Variants in SYT17 observed in about 807,000 individuals in gnomAD.
SYT17 encodes synaptotagmin-17.
SYT17 carries 22 observed loss-of-function variants against 46.7 expected under a neutral mutation model. The ratio of observed to expected loss-of-function variants is 0.47; its 90% CI spans 0.34 to 0.67. SYT17 has a LOEUF of 0.67. Among genes scored for constraint, SYT17 ranks in the 30% least tolerant of loss-of-function variants. The pLI, the probability that SYT17 is intolerant of heterozygous loss-of-function variation, is 0.01. For missense variants in SYT17, 519 were observed against 612.8 expected, an observed-to-expected ratio of 0.85 and a Z score of 1.62; for synonymous variants, 251 against 248.4, an observed-to-expected ratio of 1.01 and a Z score of -0.10.
At chr16:19,246,976 G>A (rs1316034771) in intron 7 of SYT17, among the ~76,000 whole-genome samples, 1 of 152,206 alleles carries the variant, frequency 6.6e-6, no homozygotes, top group African/African-American at 2.4e-5. Context: ...GAGAAAGGGG[G>A]TCGTGATGCA....
chr16:19,185,161 C>A (rs1964733878), intron 5 of SYT17, among the ~76,000 whole-genome samples: 2 of 150,246 alleles, frequency 1.3e-5, no homozygotes, highest in Non-Finnish European at 2.9e-5. Flanking sequence ...TCCCTCCTTC[C>A]CCTCCTTCCT....
intron 7 of SYT17, among the ~76,000 whole-genome samples, chr16:19,239,561 A>G (rs1001299418): frequency 6.6e-6 from 1 of 152,172 alleles, no homozygotes; most frequent in Admixed American, 6.5e-5. Context: ...GCAGTATTTG[A>G]CGGTAATAAC....
chr16:19,237,114 A>T (rs373007111), intron 7 of SYT17, among the ~76,000 whole-genome samples: 1 of 152,226 alleles, frequency 6.6e-6, no homozygotes, highest in African/African-American at 2.4e-5. Context: ...TTCACTGTTT[A>T]GGTAGTAACT....
At chr16:19,179,816 G>A (rs2142550217) in intron 3 of SYT17, among the ~76,000 whole-genome samples, 1 of 152,292 alleles carries the variant, frequency 6.6e-6, no homozygotes, top group South Asian at 2.1e-4. Context: ...AGCACATTGA[G>A]TCACGGCTGC....
chr16:19,215,824 T>A (rs1334984460), intron 5 of SYT17, among the ~76,000 whole-genome samples: 2 of 152,212 alleles, frequency 1.3e-5, no homozygotes, highest in East Asian at 3.8e-4. Flanking sequence ...GGAGTTTTAA[T>A]TAGACTTACA....
At chr16:19,261,527 T>G (rs1968975917) in intron 7 of SYT17, among the ~76,000 whole-genome samples, 1 of 152,246 alleles carries the variant, frequency 6.6e-6, no homozygotes. Flanking sequence ...GATTTAGTTG[T>G]GGATTCTCTA....
intron 3 of SYT17, among the ~76,000 whole-genome samples, chr16:19,178,772 C>T (rs1385852216): frequency 6.6e-6 from 1 of 152,146 alleles, no homozygotes; most frequent in Non-Finnish European, 1.5e-5. Context: ...GGCTTAGGGG[C>T]ATGTTATTAG....
Position 19,247,481 on chromosome 16 carries a change from G to A in SYT17, c.1229-19399G>A, listed in dbSNP as rs1967666356. Among the ~76,000 whole-genome samples the A allele has an allele frequency of 2.0e-5, 3 of 152,206 alleles. 1 individual carries two copies. The highest frequency in any genetic ancestry group is 4.8e-5 in the African/African-American group (2 of 41,512). On this transcript the variant is annotated intron_variant, in intron 7 of 7. Transcript: ENST00000355377. The stretch of plus-strand genomic sequence containing the variant: ...TTGCCCCAAGCAACCCTCCTGTCCC[G>A]GCCTCCCAAGGTGCTGCTGGGATTA...
intron 7 of SYT17, among the ~76,000 whole-genome samples, chr16:19,239,294 T>C (rs1966916427): frequency 6.6e-6 from 1 of 151,794 alleles, no homozygotes; most frequent in Non-Finnish European, 1.5e-5. Context: ...ATTAATTAAT[T>C]AATTAATTAA....
intron 5 of SYT17, among the ~76,000 whole-genome samples, chr16:19,193,265 G>C (rs756283709): frequency 3.3e-5 from 5 of 152,196 alleles, no homozygotes; most frequent in Non-Finnish European, 5.9e-5. Context: ...TCAAGTTAAA[G>C]TGCTCTTAGG....
chr16:19,173,493 A>C lies in SYT17; in HGVS notation c.97A>C (p.Lys33Gln). Residue 33 changes from lysine to glutamine, a missense_variant, in exon 3 of 8, where the codon AAG becomes CAG. By Grantham distance (53) the Lys-to-Gln change is moderately conservative (BLOSUM62 1). Transcript: ENST00000355377. ...CRWTCRHCCQ[K>Q]CYESSCCQSS... Reference sequence around the variant, plus strand: ...ATGGACCTGCCGGCACTGCTGTCAGAAGTGCTACGAGTCCAGCTGTTGCCA... The same window carrying C: ...ATGGACCTGCCGGCACTGCTGTCAGCAGTGCTACGAGTCCAGCTGTTGCCA... The C allele has an allele frequency of 6.2e-7, 1 of 1,613,148 alleles. No individual in the cohort carries two copies. Among genetic ancestry groups the C allele is most frequent in the East Asian group, 2.2e-5 (1 of 44,816 alleles).
At chr16:19,213,317 T>A (rs994195962) in intron 5 of SYT17, among the ~76,000 whole-genome samples, 1 of 152,202 alleles carries the variant, frequency 6.6e-6, no homozygotes, top group Non-Finnish European at 1.5e-5. Flanking sequence ...CAATCTAAGC[T>A]GAACCTGGTT....
At chr16:19,211,263 G>C in intron 5 of SYT17, 1 of 542,788 alleles carries the variant, frequency 1.8e-6, no homozygotes, top group East Asian at 3.0e-5. Flanking sequence ...TCCTGTCTTG[G>C]CTTCGATTCT....
chr16:19,252,695 T>C (rs991535346), intron 7 of SYT17, among the ~76,000 whole-genome samples: 2 of 150,424 alleles, frequency 1.3e-5, no homozygotes, highest in African/African-American at 2.5e-5. Flanking sequence ...CTCAACTTAA[T>C]GTTTGCATGA....
At chr16:19,173,162 AC>A (rs1284205903) in intron 2 of SYT17, 1 of 544,710 alleles carries the variant, frequency 1.8e-6, no homozygotes, top group Non-Finnish European at 3.2e-6. Context: ...CACATAAACT[AC>A]AAAAGAAAAT....
At chr16:19,255,151 C>T (rs1968468793) in intron 7 of SYT17, among the ~76,000 whole-genome samples, 1 of 152,194 alleles carries the variant, frequency 6.6e-6, no homozygotes, top group Non-Finnish European at 1.5e-5. Flanking sequence ...CCCACCTGCT[C>T]CTGAGTCTCC....
At chr16:19,210,007 A>T (rs114909929) in intron 5 of SYT17, among the ~76,000 whole-genome samples, 10,045 of 152,244 alleles carry the variant, frequency 0.066, 1,119 homozygotes, top group African/African-American at 0.23. Flanking sequence ...GAACATTTAT[A>T]ATGACACTTA....
chr16:19,184,239 A>G, intron 5 of SYT17, 92 bp downstream of exon 5: 2 of 1,465,644 alleles, frequency 1.4e-6, no homozygotes, highest in Non-Finnish European at 1.8e-6. Flanking sequence ...GCTTTTTTGG[A>G]TTTTTAAAAC....
chr16:19,250,430 C>T (rs907697868), intron 7 of SYT17, among the ~76,000 whole-genome samples: 33 of 150,368 alleles, frequency 2.2e-4, no homozygotes, highest in Non-Finnish European at 4.7e-4. Flanking sequence ...CACTCTATTG[C>T]CCAGGCTGGA....
Sources: allele counts gnomAD v4.1 joint callset (sites outside exome capture counted in the v4.1 genomes callset), GRCh38; gene constraint gnomAD v4.1.1; transcripts MANE v1.5; gene names NCBI Gene and HGNC (gene_info 2026-07-23, HGNC 2026-07-21).